Variants in GRIN2D observed in about 807,000 individuals in gnomAD.
GRIN2D encodes glutamate receptor ionotropic, NMDA 2D.
A neutral mutation model predicts 103.2 loss-of-function variants in GRIN2D; 37 were observed. The ratio of observed to expected loss-of-function variants is 0.36; its 90% CI spans 0.28 to 0.47. GRIN2D has a LOEUF of 0.47. Ranked by LOEUF, GRIN2D falls within the 20% of genes least tolerant of loss-of-function variation. The probability of loss-of-function intolerance (pLI) is 1.00; values close to 1 mark genes in which losing one functional copy is unlikely to be tolerated. For synonymous variants in GRIN2D, 845 were observed against 885.6 expected, an observed-to-expected ratio of 0.95 and a Z score of 0.81; for missense variants, 1,557 against 1,910.6, an observed-to-expected ratio of 0.81 and a Z score of 3.45.
At position 48,443,963 on chromosome 19, in the gene GRIN2D, C is replaced by A; in HGVS notation, c.*26C>A. ...CGCGGCCCCGGGGGCCCCACCGCCC[C>A]CTTGGTCAGCGCAGGCCACGGCCCG... On this transcript the variant is annotated 3_prime_UTR_variant, in exon 14 of 14. Transcript: ENST00000263269. This position sits in a 1 kb window ranked among gnomAD's most constrained non-coding sequence, Gnocchi z 8.9. 7.3e-7 allele frequency: 1 copy of A among 1,361,506 alleles called. No individual in the cohort carries two copies. Among genetic ancestry groups the A allele is most frequent in the South Asian group, 1.6e-5 (1 of 62,962 alleles). The allele number at this position is 1,361,506 out of a possible 1,614,324, so 84.3% of individuals were successfully genotyped here.
intron 11 of GRIN2D, among the ~76,000 whole-genome samples, chr19:48,429,136 A>C (rs1033703200): frequency 6.6e-6 from 1 of 151,866 alleles, no homozygotes; most frequent in Non-Finnish European, 1.5e-5. Flanking sequence ...ATCCCTTGTT[A>C]CTTTTTCTTT....
intron 11 of GRIN2D, among the ~76,000 whole-genome samples, chr19:48,436,006 T>C (rs755685656): frequency 3.3e-5 from 5 of 152,076 alleles, no homozygotes; most frequent in African/African-American, 7.2e-5. Context: ...TCAAATAGGG[T>C]GCTCAGGAAG....
chr19:48,405,432 C>G lies in GRIN2D; in HGVS notation c.1085+79C>G. The stretch of plus-strand genomic sequence containing the variant: ...CTCAGTATTCACTGAATGAGTGGCT[C>G]AAATGGGCCACATCTGCTCTTTGAG... On this transcript the variant is annotated intron_variant, in intron 4 of 13. Transcript: ENST00000263269. The surrounding 1 kb of genome is among the most constrained non-coding windows in gnomAD (Gnocchi z 5.1). The G allele has an allele frequency of 7.4e-7, 1 of 1,346,990 alleles. No homozygotes were observed. Among genetic ancestry groups the G allele is most frequent in the Non-Finnish European group, 9.8e-7 (1 of 1,016,250 alleles). The allele number at this position is 1,346,990 out of a possible 1,614,324, so 83.4% of individuals were successfully genotyped here. A position where few individuals can be genotyped will look rare whatever the true frequency, so the allele number is the denominator to read the frequency against.
At chr19:48,403,552 C>T (rs1341784532) in intron 3 of GRIN2D, among the ~76,000 whole-genome samples, 1 of 152,160 alleles carries the variant, frequency 6.6e-6, no homozygotes, top group African/African-American at 2.4e-5. Context: ...AGTATTTAAA[C>T]TCATGGGCCT....
At chr19:48,400,355 C>T (rs573274965) in intron 3 of GRIN2D, among the ~76,000 whole-genome samples, 1 of 152,358 alleles carries the variant, frequency 6.6e-6, no homozygotes, top group Admixed American at 6.5e-5. Flanking sequence ...GTGACTGCAT[C>T]ACTGTTGTAT....
At position 48,442,104 on chromosome 19, in the gene GRIN2D, C is replaced by G; in HGVS notation, c.2441-46C>G. The G allele has an allele frequency of 6.4e-7, 1 of 1,573,056 alleles. No individual in the cohort carries two copies. The highest frequency in any genetic ancestry group is 8.7e-7 in the Non-Finnish European group (1 of 1,144,726). On this transcript the variant is annotated intron_variant, in intron 12 of 13. Coordinates refer to ENST00000263269, the MANE Select transcript of GRIN2D (RefSeq NM_000836.4). This position sits in a 1 kb window ranked among gnomAD's most constrained non-coding sequence, Gnocchi z 7.2. ...CATTCCCACATCACAGACAAGGGTCCTCAGAGGGTACTCATAGCAGGTGAC... is the reference window on the plus strand; with the variant it reads ...CATTCCCACATCACAGACAAGGGTCGTCAGAGGGTACTCATAGCAGGTGAC...
chr19:48,440,158 C>G (rs1218960282), intron 11 of GRIN2D, among the ~76,000 whole-genome samples: 1 of 152,048 alleles, frequency 6.6e-6, no homozygotes, highest in African/African-American at 2.4e-5. Context: ...TTGCAGTGAG[C>G]TGAGATCACG....
intron 2 of GRIN2D, 109 bp from the exon 3 acceptor site, chr19:48,398,258 C>CT (rs1231979048): frequency 3.1e-6 from 1 of 320,398 alleles, no homozygotes; most frequent in Non-Finnish European, 4.7e-6. Context: ...CGGCGCCTGT[C>CT]CCTCGCTGCA....
At chr19:48,416,181 G>A in intron 8 of GRIN2D, 26 bp downstream of exon 8, 1 of 1,608,896 alleles carries the variant, frequency 6.2e-7, no homozygotes, top group Non-Finnish European at 8.5e-7. Flanking sequence ...GGGACAGGGA[G>A]CTAGCCCTAG....
At chr19:48,412,344 AATAC>A (rs1970872649) in intron 4 of GRIN2D, among the ~76,000 whole-genome samples, 1 of 150,666 alleles carries the variant, frequency 6.6e-6, no homozygotes, top group Admixed American at 6.7e-5. Flanking sequence ...TAAATAAATA[AATAC>A]ATACATACAT....
At position 48,414,900 on chromosome 19, in the gene GRIN2D, C is replaced by T. The variant is rs3786746; in HGVS notation, c.1449C>T (p.Cys483=). 0.042 allele frequency: 68,151 copies of T among 1,614,110 alleles called. 2,747 individuals carry two copies. Among genetic ancestry groups the T allele is most frequent in the East Asian group, 0.26 (11,647 of 44,866 alleles). The change falls in exon 7 of 14, where the codon TGC becomes TGT. Residue 483 remains cysteine, a synonymous_variant. Transcript: ENST00000263269. This position sits in a 1 kb window ranked among gnomAD's most constrained non-coding sequence, Gnocchi z 4.6. ...PPDAPRPEKR[C]CKGFCIDILK... ...ATGCCCCCCGCCCGGAAAAGCGCTG[C>T]TGCAAGGGTTTCTGCATCGACATTC...
intron 11 of GRIN2D, among the ~76,000 whole-genome samples, chr19:48,435,690 G>A (rs1319260814): frequency 6.6e-6 from 1 of 152,084 alleles, no homozygotes; most frequent in Admixed American, 6.5e-5. Flanking sequence ...GGAGATCCGT[G>A]CCCCGGGCGG....
In GRIN2D at chr19:48,414,127, C is replaced by A. The variant is rs1970912565; in HGVS notation, c.1200+22C>A. The A allele has an allele frequency of 2.2e-6, 3 of 1,385,664 alleles. No individual in the cohort carries two copies. The highest frequency in any genetic ancestry group is 3.1e-6 in the Non-Finnish European group (3 of 972,952). 85.8% of individuals were successfully genotyped at this position (1,385,664 alleles called of 1,614,324 possible). ...GGTGGTGAGTCGTAGCCCCAGACCTCAGGCATGGCAGAGGGTGTGGACTCC... is the reference window on the plus strand; with the variant it reads ...GGTGGTGAGTCGTAGCCCCAGACCTAAGGCATGGCAGAGGGTGTGGACTCC... On this transcript the variant is annotated intron_variant, in intron 5 of 13. Transcript: ENST00000263269. The surrounding 1 kb of genome is among the most constrained non-coding windows in gnomAD (Gnocchi z 4.6).
intron 11 of GRIN2D, among the ~76,000 whole-genome samples, chr19:48,425,571 C>T (rs1199999250): frequency 6.6e-6 from 1 of 152,070 alleles, no homozygotes. Flanking sequence ...ACTTGGTTCC[C>T]AAGTTTTGGA....
At chr19:48,411,651 TAATA>T (rs555516676) in intron 4 of GRIN2D, among the ~76,000 whole-genome samples, 1 of 151,386 alleles carries the variant, frequency 6.6e-6, no homozygotes, top group Middle Eastern at 3.4e-3. Flanking sequence ...TCCATCTCAA[TAATA>T]AATAAATAAA....
At chr19:48,424,265 A>ATTTTTTTTTTTTT (rs569050730) in intron 11 of GRIN2D, among the ~76,000 whole-genome samples, 1 of 101,380 alleles carries the variant, frequency 9.9e-6, no homozygotes, top group Admixed American at 1.0e-4. Context: ...AAAAAAAAAA[A>ATTTTTTTTTTTTT]TTTTTTTTTT....
chr19:48,440,724 T>C (rs1569073785), intron 11 of GRIN2D, among the ~76,000 whole-genome samples: 1 of 151,964 alleles, frequency 6.6e-6, no homozygotes, highest in Non-Finnish European at 1.5e-5. Context: ...TCTCTCTCTG[T>C]CACCCAGGCT....
At chr19:48,432,637 G>A (rs1207327847) in intron 11 of GRIN2D, among the ~76,000 whole-genome samples, 2 of 150,024 alleles carry the variant, frequency 1.3e-5, no homozygotes, top group Non-Finnish European at 3.0e-5. Context: ...TGCCACTTTC[G>A]TGTAGAGACG....
At chr19:48,424,120 A>C (rs1191924707) in intron 11 of GRIN2D, among the ~76,000 whole-genome samples, 5 of 147,850 alleles carry the variant, frequency 3.4e-5, no homozygotes, top group African/African-American at 1.2e-4. Flanking sequence ...TGCCTGGCTT[A>C]AAAAAATTTC....
Sources: allele counts gnomAD v4.1 joint callset (sites outside exome capture counted in the v4.1 genomes callset), GRCh38; gene constraint gnomAD v4.1.1; non-coding constraint Gnocchi (gnomAD v3.1); transcripts MANE v1.5; gene names NCBI Gene and HGNC (gene_info 2026-07-23, HGNC 2026-07-21).